C10orf67: variants seen among roughly 807,000 people sequenced by gnomAD.
C10orf67 encodes chromosome 10 open reading frame 67.
C10orf67 carries 60 observed loss-of-function variants against 35.6 expected under a neutral mutation model. The ratio of observed to expected loss-of-function variants is 1.68; its 90% CI spans 1.37 to 2.09. C10orf67 has a LOEUF of 2.09. C10orf67 is among the 30% of genes most tolerant of loss of function. C10orf67 has a pLI of 0.00. For missense variants in C10orf67, 474 were observed against 330.2 expected (o/e 1.44, Z -3.38); for synonymous variants, 167 against 115.8 (o/e 1.44, Z -2.84).
At chr10:23,343,842 A>G in intron 1 of C10orf67, 1 of 450,582 alleles carries the variant, frequency 2.2e-6, no homozygotes, top group Non-Finnish European at 4.6e-6. Context: ...AAAGGCGTTG[A>G]GCGAGGGCCG....
At chr10:23,289,865 A>T in intron 7 of C10orf67, 35 bp downstream of exon 7, 1 of 713,520 alleles carries the variant, frequency 1.4e-6, no homozygotes, top group East Asian at 2.7e-5. Flanking sequence ...GTTCCATTTA[A>T]AAGAGTCATT....
At chr10:23,245,375 A>T (rs1842291004) in intron 12 of C10orf67, among the ~76,000 whole-genome samples, 1 of 152,222 alleles carries the variant, frequency 6.6e-6, no homozygotes, top group Admixed American at 6.5e-5. Context: ...ATTATTTCAA[A>T]CTATAAAGCT....
At chr10:23,264,264 A>G (rs1180568096) in intron 10 of C10orf67, among the ~76,000 whole-genome samples, 2 of 152,204 alleles carry the variant, frequency 1.3e-5, no homozygotes, top group African/African-American at 4.8e-5. Flanking sequence ...GAACAATAGG[A>G]TATTACACTT....
Position 23,204,169 on chromosome 10 carries a change from TG to T in C10orf67, c.*3del. 3.3e-6 allele frequency: 2 copies of T among 597,886 alleles called. No individual in the cohort carries two copies. Among genetic ancestry groups the T allele is most frequent in the Non-Finnish European group, 6.2e-6 (2 of 323,128 alleles). The allele number at this position is 597,886 out of a possible 1,614,324, so 37.0% of individuals were successfully genotyped here. ...CCGTCTGCGCAGCCCAGGCTTCTGC[TG>T]GGTTAATCAACAGTCTCTGCGGGGC... On this transcript the variant is annotated 3_prime_UTR_variant, in exon 16 of 16. Transcript: ENST00000636213.
At chr10:23,294,239 A>G (rs1335630035) in intron 5 of C10orf67, among the ~76,000 whole-genome samples, 2 of 152,154 alleles carry the variant, frequency 1.3e-5, no homozygotes, top group Non-Finnish European at 2.9e-5. Context: ...AGCTGTCAGC[A>G]ACAAGCAGAT....
intron 13 of C10orf67, among the ~76,000 whole-genome samples, chr10:23,239,051 T>C: frequency 6.6e-6 from 1 of 152,094 alleles, no homozygotes; most frequent in South Asian, 2.1e-4. Context: ...AAAAAGAGCA[T>C]ATATTTATAT....
At chr10:23,302,250 A>G (rs1333424713) in intron 5 of C10orf67, among the ~76,000 whole-genome samples, 1 of 151,626 alleles carries the variant, frequency 6.6e-6, no homozygotes, top group Non-Finnish European at 1.5e-5. Flanking sequence ...TATACATTAT[A>G]ATCTGTACAT....
rs1841076691 is a variant in C10orf67 at position 23,203,585 on chromosome 10, T to C, written c.*588A>G. On this transcript the variant is annotated 3_prime_UTR_variant, in exon 16 of 16. Transcript: ENST00000636213. ...TCTGGCATTCCAGCAGAATCTTGGT[T>C]TGCATCCTTACCAGGAAGCAAAACT... is the stretch of plus-strand genomic sequence containing the variant. 6.6e-6 allele frequency: 1 copy of C among 152,164 alleles called. No individual in the cohort carries two copies. The highest frequency in any genetic ancestry group is 1.9e-4 in the East Asian group (1 of 5,202). 9.4% of individuals were successfully genotyped at this position (152,164 alleles called of 1,614,324 possible). A position where few individuals can be genotyped will look rare whatever the true frequency, so the allele number is the denominator to read the frequency against.
chr10:23,225,650 G>T (rs1314120414), intron 13 of C10orf67, among the ~76,000 whole-genome samples: 2 of 152,046 alleles, frequency 1.3e-5, no homozygotes, highest in African/African-American at 4.8e-5. Context: ...ACACACATAG[G>T]CTCAAAATAA....
At chr10:23,276,164 A>G (rs979158996) in intron 8 of C10orf67, among the ~76,000 whole-genome samples, 3 of 152,142 alleles carry the variant, frequency 2.0e-5, no homozygotes, top group East Asian at 3.9e-4. Context: ...GTCATGATCA[A>G]TGCTTTAACC....
intron 8 of C10orf67, among the ~76,000 whole-genome samples, chr10:23,277,940 A>G (rs980497800): frequency 6.6e-6 from 1 of 152,144 alleles, no homozygotes; most frequent in Non-Finnish European, 1.5e-5. Flanking sequence ...TCATGGTGGA[A>G]GGTGAAGGGG....
rs59247961 is a variant in C10orf67 at position 23,209,998 on chromosome 10, TAAAAAAAAAAA to T, written c.1571-5754_1571-5744del. On this transcript the variant is annotated intron_variant, in intron 15 of 15. Transcript: ENST00000636213. Reference sequence around the variant, plus strand: ...TTGGGCAATAGAGCCAGACCTTGGCTAAAAAAAAAAAAAAAAAAAAAAAAGGAATTAAGGAA... The same window carrying T: ...TTGGGCAATAGAGCCAGACCTTGGCTAAAAAAAAAAAAAGGAATTAAGGAA... Among the ~76,000 whole-genome samples the T allele has an allele frequency of 1.0e-4, 7 of 67,216 alleles. No individual in the cohort carries two copies. In the South Asian group the frequency reaches 2.4e-3, roughly 23 times the overall value. The allele number at this position is 67,216 out of a possible 152,430, so 44.1% of individuals were successfully genotyped here. A position where few individuals can be genotyped will look rare whatever the true frequency, so the allele number is the denominator to read the frequency against.
chr10:23,269,930 A>G (rs1259964353), intron 8 of C10orf67, among the ~76,000 whole-genome samples: 2 of 152,196 alleles, frequency 1.3e-5, no homozygotes, highest in African/African-American at 4.8e-5. Context: ...CTCCTGTCTC[A>G]GAAATTGATA....
At chr10:23,233,522 G>T (rs1317745258) in intron 13 of C10orf67, among the ~76,000 whole-genome samples, 1 of 152,148 alleles carries the variant, frequency 6.6e-6, no homozygotes, top group Non-Finnish European at 1.5e-5. Context: ...AGCTGGTGAG[G>T]TTAAACATAA....
intron 15 of C10orf67, among the ~76,000 whole-genome samples, chr10:23,209,020 C>A (rs1365286139): frequency 6.6e-6 from 1 of 151,898 alleles, no homozygotes; most frequent in Non-Finnish European, 1.5e-5. Flanking sequence ...AGGCAGAAGA[C>A]CCACCACCTA....
At chr10:23,309,727 C>A (rs1588678812) in intron 4 of C10orf67, among the ~76,000 whole-genome samples, 1 of 152,216 alleles carries the variant, frequency 6.6e-6, no homozygotes, top group African/African-American at 2.4e-5. Flanking sequence ...AGGTACCACA[C>A]TGAGAGGTGC....
intron 7 of C10orf67, among the ~76,000 whole-genome samples, chr10:23,286,229 A>G (rs535179957): frequency 1.3e-5 from 2 of 150,458 alleles, no homozygotes; most frequent in South Asian, 4.3e-4. Flanking sequence ...CTGTTTCTGC[A>G]AAAATAAAAA....
chr10:23,251,211 A>G (rs1842447056), intron 10 of C10orf67, among the ~76,000 whole-genome samples: 1 of 152,234 alleles, frequency 6.6e-6, no homozygotes, highest in South Asian at 2.1e-4. Flanking sequence ...ACTTAGAAGC[A>G]GTTAGCTCTA....
intron 12 of C10orf67, among the ~76,000 whole-genome samples, chr10:23,249,131 C>CAAA (rs57702096): frequency 1.3e-3 from 28 of 21,550 alleles, no homozygotes; most frequent in East Asian, 2.9e-3. Context: ...AACTCCCTCT[C>CAAA]AAAAAAAAAA....
Sources: allele counts gnomAD v4.1 joint callset (sites outside exome capture counted in the v4.1 genomes callset), GRCh38; gene constraint gnomAD v4.1.1; transcripts MANE v1.5; gene names NCBI Gene and HGNC (gene_info 2026-07-23, HGNC 2026-07-21).